The following ALMS1 variants were observed in gnomAD, a reference collection of about 807,000 sequenced individuals.
The protein encoded by ALMS1 is centrosome-associated protein ALMS1.
In ALMS1, 271 loss-of-function variants were observed where a neutral mutation model predicts 352.2. The ratio of observed to expected loss-of-function variants is 0.77; its 90% CI spans 0.70 to 0.85. ALMS1 has a LOEUF of 0.85. ALMS1 is among the 40% of genes least tolerant of loss of function. The pLI, the probability that ALMS1 is intolerant of heterozygous loss-of-function variation, is 0.00. For missense variants in ALMS1, 5,445 were observed against 4,870.7 expected (o/e 1.12, Z -3.51); for synonymous variants, 1,865 against 1,761.2 (o/e 1.06, Z -1.48).
At position 73,453,701 on chromosome 2, in the gene ALMS1, C is replaced by G; in HGVS notation, c.7174C>G (p.Pro2392Ala). Residue 2392 changes from proline (P) to alanine (A), a missense_variant, in exon 8 of 23, where the codon CCT becomes GCT. Physicochemically the swap from Pro to Ala is conservative, Grantham distance 27. Coordinates refer to ENST00000613296, the MANE Select transcript of ALMS1 (RefSeq NM_001378454.1). ...QAAKSVMRSE[P>A]EGCSGTIGNK... ...AGCCAAATCTGTAATGAGGTCTGAA[C>G]CTGAAGGGTGTAGTGGAACCATTGG... The G allele has an allele frequency of 6.2e-7, 1 of 1,613,984 alleles. No homozygotes were observed. Among genetic ancestry groups the G allele is most frequent in the Non-Finnish European group, 8.5e-7 (1 of 1,179,988 alleles).
Position 73,534,860 on chromosome 2 carries a change from G to A in ALMS1, c.9818G>A (p.Ser3273Asn). The A allele has an allele frequency of 6.2e-7, 1 of 1,613,538 alleles. No homozygotes were observed. Among genetic ancestry groups the A allele is most frequent in the Non-Finnish European group, 8.5e-7 (1 of 1,179,586 alleles). The change falls in exon 12 of 23, where the codon AGT (serine) becomes AAT (asparagine). Residue 3273 changes from serine to asparagine, a missense_variant. Coordinates refer to ENST00000613296, the MANE Select transcript of ALMS1 (RefSeq NM_001378454.1). ...PLLLPYKPSG[S>N]TKMYYVPQLR... ...TTATTGCCATATAAGCCTTCTGGTAGTACCAAGATGTATTATGTTCCACAA... is the reference window on the plus strand; with the variant it reads ...TTATTGCCATATAAGCCTTCTGGTAATACCAAGATGTATTATGTTCCACAA...
chr2:73,414,979 A>G (rs1283582538), intron 2 of ALMS1, among the ~76,000 whole-genome samples: 1 of 152,084 alleles, frequency 6.6e-6, no homozygotes, highest in Non-Finnish European at 1.5e-5. Flanking sequence ...CCATACCCCT[A>G]TACACATTTA....
intron 7 of ALMS1, among the ~76,000 whole-genome samples, chr2:73,435,869 C>T (rs541605517): frequency 2.4e-4 from 36 of 152,212 alleles, no homozygotes; most frequent in African/African-American, 6.7e-4. Flanking sequence ...TGGGATTACA[C>T]GTGTGAGCCA....
intron 20 of ALMS1, among the ~76,000 whole-genome samples, chr2:73,602,921 T>G (rs1398138593): frequency 6.6e-6 from 1 of 152,216 alleles, no homozygotes; most frequent in Non-Finnish European, 1.5e-5. Context: ...TTAACAATTA[T>G]GATAAGCAGA....
chr2:73,434,596 T>C (rs1270037265), intron 7 of ALMS1, among the ~76,000 whole-genome samples: 3 of 152,206 alleles, frequency 2.0e-5, no homozygotes, highest in Non-Finnish European at 4.4e-5. Flanking sequence ...GTCTTTCAGC[T>C]CTAGTGGGTT....
chr2:73,490,419 T>C lies in ALMS1; in HGVS notation c.8460T>C (p.Ser2820=). ...KPLERSDFTG[S]HSEPSTRANC... The stretch of plus-strand genomic sequence containing the variant: ...TAGAAAGATCAGATTTTACAGGCAG[T>C]CATTCTGAGCCCAGTACCAGGGCAA... Residue 2820 remains serine (S), a synonymous_variant, in exon 10 of 23, where the codon AGT becomes AGC. Coordinates refer to ENST00000613296, the MANE Select transcript of ALMS1 (RefSeq NM_001378454.1). The C allele has an allele frequency of 6.2e-7, 1 of 1,614,158 alleles. No individual in the cohort carries two copies. Among genetic ancestry groups the C allele is most frequent in the South Asian group, 1.1e-5 (1 of 91,082 alleles).
intron 9 of ALMS1, among the ~76,000 whole-genome samples, chr2:73,474,839 A>G (rs948708704): frequency 2.6e-5 from 4 of 152,192 alleles, no homozygotes; most frequent in East Asian, 1.9e-4. Context: ...TTTAAAGTGT[A>G]TAGTTTATTT....
intron 7 of ALMS1, among the ~76,000 whole-genome samples, chr2:73,436,355 G>C (rs537037480): frequency 2.0e-5 from 3 of 152,220 alleles, no homozygotes; most frequent in South Asian, 4.1e-4. Flanking sequence ...ATGTCTCTAT[G>C]TGAATCTCTG....
chr2:73,527,514 T>C (rs557259009), intron 11 of ALMS1, among the ~76,000 whole-genome samples: 28 of 152,144 alleles, frequency 1.8e-4, no homozygotes, highest in African/African-American at 6.5e-4. Flanking sequence ...TTCTAGGAAT[T>C]TGTCCATTTT....
At chr2:73,541,331 A>C (rs1018540043) in intron 12 of ALMS1, among the ~76,000 whole-genome samples, 1 of 152,248 alleles carries the variant, frequency 6.6e-6, no homozygotes, top group Non-Finnish European at 1.5e-5. Context: ...CAGTGAGAAC[A>C]AAGATACAAC....
chr2:73,525,720 A>G (rs1280023358), intron 11 of ALMS1, among the ~76,000 whole-genome samples: 3 of 151,790 alleles, frequency 2.0e-5, no homozygotes, highest in East Asian at 3.9e-4. Flanking sequence ...GTTTCCTCCT[A>G]TTCGGTGGTT....
chr2:73,471,982 TGTG>T (rs1672478899), intron 9 of ALMS1, among the ~76,000 whole-genome samples: 2 of 151,930 alleles, frequency 1.3e-5, no homozygotes, highest in African/African-American at 4.8e-5. Flanking sequence ...ATAAAGAAAA[TGTG>T]GTATATACAT....
At chr2:73,410,126 C>T (rs960186997) in intron 2 of ALMS1, among the ~76,000 whole-genome samples, 13 of 152,090 alleles carry the variant, frequency 8.5e-5, no homozygotes, top group Non-Finnish European at 1.3e-4. Flanking sequence ...CAGTGGCTAA[C>T]GCCTGTAATC....
At chr2:73,542,383 C>T (rs900745087) in intron 12 of ALMS1, among the ~76,000 whole-genome samples, 2 of 152,074 alleles carry the variant, frequency 1.3e-5, no homozygotes, top group Non-Finnish European at 2.9e-5. Context: ...ATAATAAGAG[C>T]TATCTATGAC....
At chr2:73,533,833 A>T (rs1673973002) in intron 11 of ALMS1, among the ~76,000 whole-genome samples, 2 of 152,360 alleles carry the variant, frequency 1.3e-5, no homozygotes, top group South Asian at 4.1e-4. Context: ...AGGAAGAGTA[A>T]ATTGTCGCAG....
At position 73,451,657 on chromosome 2, in the gene ALMS1, T is replaced by G; in HGVS notation, c.5130T>G (p.Ser1710Arg). The change falls in exon 8 of 23, where the codon AGT becomes AGG. Residue 1710 changes from serine to arginine, a missense_variant. Physicochemically the swap from Ser to Arg is moderately radical, Grantham distance 110 (BLOSUM62 -1). Transcript: ENST00000613296. ...QKTETPSVSS[S>R]LYSYREKPIV... ...CTGAGACACCATCAGTATCCTCTAG[T>G]TTATACTCATATAGAGAGAAGCCCA... 2 of 1,614,092 alleles carry G rather than the reference T, an allele frequency of 1.2e-6. No individual in the cohort carries two copies. Among genetic ancestry groups the G allele is most frequent in the Non-Finnish European group, 1.7e-6 (2 of 1,179,986 alleles).
At chr2:73,432,764 G>A (rs972924083) in intron 7 of ALMS1, among the ~76,000 whole-genome samples, 4 of 152,104 alleles carry the variant, frequency 2.6e-5, no homozygotes, top group African/African-American at 9.7e-5. Context: ...ATACTTTTCA[G>A]GGGGGACACA....
At chr2:73,488,560 G>T (rs1026206868) in intron 9 of ALMS1, among the ~76,000 whole-genome samples, 2 of 152,146 alleles carry the variant, frequency 1.3e-5, no homozygotes, top group African/African-American at 4.8e-5. Context: ...CTCCAACTCA[G>T]AAGGGAGTGG....
chr2:73,426,420 A>G (rs368900905), intron 5 of ALMS1, 33 bp from the exon 6 acceptor site: 100 of 1,607,900 alleles, frequency 6.2e-5, no homozygotes, highest in Non-Finnish European at 8.3e-5. Flanking sequence ...TTTACTATAC[A>G]TACAATTATG....
Sources: allele counts gnomAD v4.1 joint callset (sites outside exome capture counted in the v4.1 genomes callset), GRCh38; gene constraint gnomAD v4.1.1; transcripts MANE v1.5; gene names NCBI Gene and HGNC (gene_info 2026-07-23, HGNC 2026-07-21).